CAVIN1: variants seen among roughly 807,000 people sequenced by gnomAD.
The protein encoded by CAVIN1 is caveolae associated protein 1.
Under a neutral mutation model 24.0 loss-of-function variants are expected in CAVIN1, and 16 were observed. The observed-to-expected ratio is 0.67, with a 90% CI of 0.45 to 1.01. CAVIN1 has a LOEUF of 1.01. Among genes scored for constraint, CAVIN1 ranks in the 50% least tolerant of loss-of-function variants. The pLI, the probability that CAVIN1 is intolerant of heterozygous loss-of-function variation, is 0.00. For missense variants in CAVIN1, 510 were observed against 551.7 expected (o/e 0.92, Z 0.76); for synonymous variants, 256 against 256.4 (o/e 1.00, Z 0.02).
In CAVIN1 at chr17:42,404,930, G is replaced by C. The variant is rs749316083; in HGVS notation, c.930C>G (p.Arg310=). The C allele has an allele frequency of 1.4e-5, 23 of 1,614,102 alleles. 1 individual carries two copies. In the South Asian group the frequency reaches 2.5e-4, roughly 18 times the overall value. ...SFTPDHVVYA[R]SKTAVYKVPP... is the part of the protein sequence containing the mutation. ...GCACCTTGTAGACCGCGGTCTTGGA[G>C]CGCGCGTACACCACGTGGTCGGGCG... Residue 310 remains arginine, a synonymous_variant, in exon 2 of 2, where the codon CGC becomes CGG. Transcript: ENST00000357037.
chr17:42,413,566 GAAAA>G (rs60085741), intron 1 of CAVIN1, among the ~76,000 whole-genome samples: 6 of 56,960 alleles, frequency 1.1e-4, no homozygotes, highest in Admixed American at 5.2e-4. Flanking sequence ...CTCAAAAAGG[GAAAA>G]AAAAAAAAAA....
At position 42,405,196 on chromosome 17, in the gene CAVIN1, T is replaced by G. The variant is rs781683733; in HGVS notation, c.664A>C (p.Lys222Gln). The G allele has an allele frequency of 6.2e-7, 1 of 1,614,068 alleles. No homozygotes were observed. The highest frequency in any genetic ancestry group is 1.7e-5 in the Admixed American group (1 of 60,016). Residue 222 changes from lysine (K) to glutamine (Q), a missense_variant, in exon 2 of 2, where the codon AAG becomes CAG. Lys to Gln is a moderately conservative substitution (Grantham distance 53). Coordinates refer to ENST00000357037, the MANE Select transcript of CAVIN1 (RefSeq NM_012232.6). ...VIEESRAERI[K>Q]RSGLRRVDDF... ...TCCACGCGCCGCAGGCCGCTGCGCT[T>G]GATACGCTCTGCGCGGGACTCCTCA...
chr17:42,410,203 A>G (rs2085467629), intron 1 of CAVIN1, among the ~76,000 whole-genome samples: 1 of 152,160 alleles, frequency 6.6e-6, no homozygotes, highest in African/African-American at 2.4e-5. Flanking sequence ...GGCTCTCTTG[A>G]CTTAAGGCTG....
chr17:42,422,118 G>A (rs1034292016), intron 1 of CAVIN1, among the ~76,000 whole-genome samples: 2 of 152,154 alleles, frequency 1.3e-5, no homozygotes, highest in East Asian at 3.9e-4. Flanking sequence ...GCCCCCGCTG[G>A]TGCGTGCCTG....
rs1445805748 is a variant in CAVIN1 at position 42,405,185 on chromosome 17, G to A, written c.675C>T (p.Gly225=). 6.2e-7 allele frequency: 1 copy of A among 1,614,072 alleles called. No homozygotes were observed. Among genetic ancestry groups the A allele is most frequent in the South Asian group, 1.1e-5 (1 of 91,088 alleles). Reference sequence around the variant, plus strand: ...TCTTGAAGTCGTCCACGCGCCGCAGGCCGCTGCGCTTGATACGCTCTGCGC... The same window carrying A: ...TCTTGAAGTCGTCCACGCGCCGCAGACCGCTGCGCTTGATACGCTCTGCGC... ...ESRAERIKRS[G]LRRVDDFKKA... The change falls in exon 2 of 2, where the codon GGC becomes GGT. Residue 225 remains glycine (G), a synonymous_variant. Transcript: ENST00000357037.
intron 1 of CAVIN1, among the ~76,000 whole-genome samples, chr17:42,408,378 G>A (rs1254379937): frequency 2.6e-5 from 4 of 152,138 alleles, no homozygotes; most frequent in Non-Finnish European, 5.9e-5. Flanking sequence ...GAATGGGACT[G>A]GGGAGAGAGC....
intron 1 of CAVIN1, among the ~76,000 whole-genome samples, chr17:42,407,156 A>G (rs1349346090): frequency 6.6e-6 from 1 of 151,738 alleles, no homozygotes; most frequent in South Asian, 2.1e-4. Flanking sequence ...TCCCTCCCCC[A>G]CCTCCACCCT....
intron 1 of CAVIN1, among the ~76,000 whole-genome samples, chr17:42,410,292 T>A (rs1358591507): frequency 6.6e-6 from 1 of 151,938 alleles, no homozygotes; most frequent in Non-Finnish European, 1.5e-5. Context: ...CAGGATCTGC[T>A]TAGAGTGTAT....
chr17:42,423,113 T>G lies in CAVIN1; in HGVS notation c.-16A>C. The stretch of plus-strand genomic sequence containing the variant: ...GGTCCTCCATGGCTACCCGGAGCCG[T>G]GCGGGACCGGCCGGGTGGGGCTGGA... On this transcript the variant is annotated 5_prime_UTR_variant, in exon 1 of 2. Transcript: ENST00000357037. 6.5e-7 allele frequency: 1 copy of G among 1,532,930 alleles called. No individual in the cohort carries two copies. Among genetic ancestry groups the G allele is most frequent in the African/African-American group, 1.4e-5 (1 of 72,490 alleles). The allele number at this position is 1,532,930 out of a possible 1,614,324, so 95.0% of individuals were successfully genotyped here. A position where few individuals can be genotyped will look rare whatever the true frequency, so the allele number is the denominator to read the frequency against.
rs911737222 is a variant in CAVIN1, at chr17:42,403,301, C to T, written c.*1386G>A. 2.6e-5 allele frequency: 4 copies of T among 152,656 alleles called. No individual in the cohort carries two copies. The highest frequency in any genetic ancestry group is 9.7e-5 in the African/African-American group (4 of 41,414). 9.5% of individuals were successfully genotyped at this position (152,656 alleles called of 1,614,324 possible). On this transcript the variant is annotated 3_prime_UTR_variant, in exon 2 of 2. Coordinates refer to ENST00000357037, the MANE Select transcript of CAVIN1 (RefSeq NM_012232.6). ...GCTGCTCTGTGATGTTCTCTCCCCA[C>T]CTCCCCTCCAGCTCTCAACTTGGTG...
intron 1 of CAVIN1, 54 bp from the exon 2 acceptor site, chr17:42,405,442 G>A (rs1040167033): frequency 6.4e-6 from 10 of 1,574,048 alleles, no homozygotes; most frequent in Non-Finnish European, 8.6e-6. Context: ...GGATGTGGGC[G>A]AGCCTGAGTC....
At chr17:42,411,595 G>A in intron 1 of CAVIN1, 1 of 985,376 alleles carries the variant, frequency 1.0e-6, no homozygotes, top group South Asian at 4.7e-5. Flanking sequence ...GAAAATACGT[G>A]TAAATGTTTT....
intron 1 of CAVIN1, among the ~76,000 whole-genome samples, chr17:42,420,768 T>C (rs1391795040): frequency 1.3e-5 from 2 of 152,154 alleles, no homozygotes; most frequent in African/African-American, 2.4e-5. Context: ...ATCTTTGGCA[T>C]AGGGAAGTTT....
At chr17:42,412,957 C>T (rs1460354571) in intron 1 of CAVIN1, among the ~76,000 whole-genome samples, 2 of 150,626 alleles carry the variant, frequency 1.3e-5, no homozygotes, top group Non-Finnish European at 2.9e-5. Flanking sequence ...CTCTCTATCG[C>T]CCAGGCTGCT....
chr17:42,406,316 C>T (rs971929803), intron 1 of CAVIN1, among the ~76,000 whole-genome samples: 2 of 151,678 alleles, frequency 1.3e-5, no homozygotes, highest in African/African-American at 4.8e-5. Context: ...CCCACAGCTG[C>T]ACCTACCCAC....
rs2085501524 is a variant in CAVIN1 at position 42,414,746 on chromosome 17, A to G, written c.471+7881T>C. ...ATTTGATAAAGCCTGTAGTCTCAAA[A>G]AAACAAAGCAGCAGGTCCCAACCTC... On this transcript the variant is annotated intron_variant, in intron 1 of 1. Transcript: ENST00000357037. Among the ~76,000 whole-genome samples the G allele has an allele frequency of 2.6e-5, 4 of 152,176 alleles. No homozygotes were observed. The South Asian group carries it at 8.3e-4, about 31-fold the overall frequency.
At chr17:42,419,305 G>GTTATTATTATTA (rs143185919) in intron 1 of CAVIN1, among the ~76,000 whole-genome samples, 145 of 150,190 alleles carry the variant, frequency 9.7e-4, no homozygotes, top group African/African-American at 3.4e-3. Flanking sequence ...ATTTATTGTT[G>GTTATTATTATTA]TTATTATTAT....
intron 1 of CAVIN1, among the ~76,000 whole-genome samples, chr17:42,421,498 G>C (rs546875702): frequency 3.3e-4 from 50 of 152,256 alleles, no homozygotes; most frequent in African/African-American, 1.1e-3. Flanking sequence ...CGCCTCCCTG[G>C]GGTTAGGAGC....
rs758609413 is a variant in CAVIN1 at position 42,411,207 on chromosome 17, A to AAAAAAAAAAAAAAAAAAAC, written c.472-5820_472-5819insGTTTTTTTTTTTTTTTTTT. ...GACTATGTCTCAAAAAAAAAAAAAA[A>AAAAAAAAAAAAAAAAAAAC]AACTAAAAGGTCTGTATATGGGAGT... On this transcript the variant is annotated intron_variant, in intron 1 of 1. Coordinates refer to ENST00000357037, the MANE Select transcript of CAVIN1 (RefSeq NM_012232.6). 2.8e-3 allele frequency among the ~76,000 whole-genome samples: 353 copies of AAAAAAAAAAAAAAAAAAAC among 127,404 alleles called. 23 individuals are homozygous for AAAAAAAAAAAAAAAAAAAC. The highest frequency in any genetic ancestry group is 5.1e-3 in the East Asian group (16 of 3,156). The allele number at this position is 127,404 out of a possible 152,430, so 83.6% of individuals were successfully genotyped here. A position where few individuals can be genotyped will look rare whatever the true frequency, so the allele number is the denominator to read the frequency against.
Sources: gnomAD v4.1 joint callset for allele counts (sites outside exome capture counted in the v4.1 genomes callset) on GRCh38, gnomAD v4.1.1 for gene constraint, MANE v1.5 for transcripts, NCBI Gene and HGNC (gene_info 2026-07-23, HGNC 2026-07-21) for gene names.